Variants in SAR1A observed in about 807,000 individuals in gnomAD.
SAR1A encodes the protein secretion associated Ras related GTPase 1A, also known as small COPII coat GTPase SAR1A.
A neutral mutation model predicts 22.6 loss-of-function variants in SAR1A; 6 were observed. The ratio of observed to expected loss-of-function variants is 0.27; its 90% confidence interval spans 0.15 to 0.52. SAR1A has a LOEUF of 0.52. Among genes scored for constraint, SAR1A ranks in the 20% least tolerant of loss-of-function variants. The pLI is 0.96. For missense variants in SAR1A, 145 were observed against 245.1 expected (o/e 0.59, Z 2.73); for synonymous variants, 70 against 82.2 (o/e 0.85, Z 0.80).
At position 70,147,803 on chromosome 10, in the gene SAR1A, A is replaced by G. The variant is rs1215740843; in HGVS notation, c.*4673T>C. On this transcript the variant is annotated 3_prime_UTR_variant, in exon 7 of 7. Coordinates refer to ENST00000373241, the MANE Select transcript of SAR1A (RefSeq NM_020150.5). ...GGCGCGGAGCTTCATGATACCCTCA[A>G]TCAGTCACCACAAGCTAGACAGTTT... 2 of 152,268 alleles carry G rather than the reference A, an allele frequency of 1.3e-5. No individual in the cohort carries two copies. The highest frequency in any genetic ancestry group is 3.8e-4 in the East Asian group (2 of 5,200). The allele number at this position is 152,268 out of a possible 1,614,324, so 9.4% of individuals were successfully genotyped here. A position where few individuals can be genotyped will look rare whatever the true frequency, so the allele number is the denominator to read the frequency against.
chr10:70,167,781 C>T (rs531613829), intron 1 of SAR1A, among the ~76,000 whole-genome samples: 1 of 152,248 alleles, frequency 6.6e-6, no homozygotes, highest in South Asian at 2.1e-4. Context: ...TGGATACATA[C>T]TAGGCTCTTA....
chr10:70,154,715 C>A (rs79964735), intron 5 of SAR1A, among the ~76,000 whole-genome samples: 6,453 of 152,232 alleles, frequency 0.042, 257 homozygotes, highest in East Asian at 0.15. Context: ...CCAACCTCAG[C>A]ATCCCAAAAT....
At chr10:70,162,031 T>G (rs1215445154) in intron 1 of SAR1A, 100 bp from the exon 2 acceptor site, 2 of 843,080 alleles carry the variant, frequency 2.4e-6, no homozygotes, top group Non-Finnish European at 3.8e-6. Flanking sequence ...ACATTTATAG[T>G]CTCTTGTTTT....
intron 4 of SAR1A, among the ~76,000 whole-genome samples, chr10:70,158,888 T>C (rs1839430266): frequency 2.0e-5 from 3 of 152,172 alleles, no homozygotes; most frequent in Admixed American, 1.3e-4. Flanking sequence ...ACTAATTACA[T>C]CAATACATTT....
In SAR1A at chr10:70,149,672, G is replaced by A. The variant is rs959488560; in HGVS notation, c.*2804C>T. The stretch of plus-strand genomic sequence containing the variant: ...CTAGTTCAAGCGATTCTCCGCCTCA[G>A]CCTCCAGAGTAGCTGGGAGCTACTC... On this transcript the variant is annotated 3_prime_UTR_variant, in exon 7 of 7. Coordinates refer to ENST00000373241, the MANE Select transcript of SAR1A (RefSeq NM_020150.5). 1 of 144,464 alleles carries A rather than the reference G, an allele frequency of 6.9e-6. No homozygotes were observed. The highest frequency in any genetic ancestry group is 1.5e-5 in the Non-Finnish European group (1 of 66,814). The allele number at this position is 144,464 out of a possible 1,614,324, so 8.9% of individuals were successfully genotyped here.
At chr10:70,161,172 G>C in intron 3 of SAR1A, 103 bp from the exon 4 acceptor site, 2 of 874,808 alleles carry the variant, frequency 2.3e-6, no homozygotes, top group Non-Finnish European at 3.6e-6. Flanking sequence ...TAAAGAAAAA[G>C]ATACAAGAAG....
rs564333451 is a variant in SAR1A at position 70,167,309 on chromosome 10, C to A, written c.-17+3104G>T. The A allele has an allele frequency of 2.0e-5, 3 of 152,074 alleles. No homozygotes were observed. In the South Asian group the frequency reaches 6.2e-4, roughly 32 times the overall value. The allele number at this position is 152,074 out of a possible 1,614,324, so 9.4% of individuals were successfully genotyped here. On this transcript the variant is annotated intron_variant, in intron 1 of 6. Transcript: ENST00000373241. ...GGAAGGTCCACACTTTTACTCCTCTCCATCAGCAGGAGCATCTGAACACAG... is the reference window on the plus strand; with the variant it reads ...GGAAGGTCCACACTTTTACTCCTCTACATCAGCAGGAGCATCTGAACACAG...
chr10:70,166,818 C>T (rs1839558310), intron 1 of SAR1A: 1 of 129,430 alleles, frequency 7.7e-6, no homozygotes, highest in Non-Finnish European at 1.6e-5. Flanking sequence ...GAGAGACCTG[C>T]ATCTCTACAA....
In SAR1A at chr10:70,149,788, C is replaced by T. The variant is rs924549703; in HGVS notation, c.*2688G>A. 4 of 152,036 alleles carry T rather than the reference C, an allele frequency of 2.6e-5. No individual in the cohort carries two copies. Among genetic ancestry groups the T allele is most frequent in the African/African-American group, 9.7e-5 (4 of 41,324 alleles). The allele number at this position is 152,036 out of a possible 1,614,324, so 9.4% of individuals were successfully genotyped here. On this transcript the variant is annotated 3_prime_UTR_variant, in exon 7 of 7. Coordinates refer to ENST00000373241, the MANE Select transcript of SAR1A (RefSeq NM_020150.5). ...CAGGCTGGTCTCAAACTCCTGAGCTCAGACAATCCACCCACCTCAGCCTCC... is the reference window on the plus strand; with the variant it reads ...CAGGCTGGTCTCAAACTCCTGAGCTTAGACAATCCACCCACCTCAGCCTCC...
At chr10:70,158,755 T>TA (rs760389435) in intron 4 of SAR1A, among the ~76,000 whole-genome samples, 1 of 44,568 alleles carries the variant, frequency 2.2e-5, no homozygotes, top group Admixed American at 1.6e-4. Context: ...TTTTAAGTTA[T>TA]ACAAAAAAAA....
rs553112067 is a variant in SAR1A, at chr10:70,149,540, T to C, written c.*2936A>G. The C allele has an allele frequency of 4.8e-5, 6 of 125,852 alleles. No individual in the cohort carries two copies. Among genetic ancestry groups the C allele is most frequent in the African/African-American group, 1.8e-4 (6 of 32,898 alleles). The allele number at this position is 125,852 out of a possible 1,614,324, so 7.8% of individuals were successfully genotyped here. On this transcript the variant is annotated 3_prime_UTR_variant, in exon 7 of 7. Coordinates refer to ENST00000373241, the MANE Select transcript of SAR1A (RefSeq NM_020150.5). ...TTTCTCATTTTGCCAAATGTAGCAT[T>C]TAATTGATTTTTTTTTTTTTTTTTT...
rs2394643 is a variant in SAR1A at position 70,151,258 on chromosome 10, C to A, written c.*1218G>T. 9 of 73,304 alleles carry A rather than the reference C, an allele frequency of 1.2e-4. No individual in the cohort carries two copies. The highest frequency in any genetic ancestry group is 0.013 in the East Asian group (2 of 152). 4.5% of individuals were successfully genotyped at this position (73,304 alleles called of 1,614,324 possible). Reference sequence around the variant, plus strand: ...TGCAATGGAGAAAGACAATTTCATACCAAAAAAAAAAAAAAAAAAAAAAAA... The same window carrying A: ...TGCAATGGAGAAAGACAATTTCATAACAAAAAAAAAAAAAAAAAAAAAAAA... On this transcript the variant is annotated 3_prime_UTR_variant, in exon 7 of 7. Transcript: ENST00000373241.
chr10:70,157,401 C>CAAAAAAAAAAAAAAAAAAA (rs55801259), intron 5 of SAR1A, among the ~76,000 whole-genome samples: 1 of 131,240 alleles, frequency 7.6e-6, no homozygotes, highest in Non-Finnish European at 1.6e-5. Flanking sequence ...AAGACTCCGT[C>CAAAAAAAAAAAAAAAAAAA]AAAAAAAAAA....
intron 1 of SAR1A, chr10:70,164,055 A>G: frequency 3.8e-6 from 3 of 790,380 alleles, no homozygotes; most frequent in Admixed American, 3.4e-5. Flanking sequence ...AGTTGATTAA[A>G]TGATCAGGGA....
chr10:70,162,802 T>G (rs1294711017), intron 1 of SAR1A: 1 of 152,366 alleles, frequency 6.6e-6, no homozygotes, highest in Non-Finnish European at 1.5e-5. Flanking sequence ...TAACAGCATG[T>G]GCTCCCTTCA....
Position 70,148,771 on chromosome 10 carries a change from C to T in SAR1A, c.*3705G>A. 1 of 152,538 alleles carries T rather than the reference C, an allele frequency of 6.6e-6. No individual in the cohort carries two copies. The highest frequency in any genetic ancestry group is 1.4e-5 in the Non-Finnish European group (1 of 69,118). 9.4% of individuals were successfully genotyped at this position (152,538 alleles called of 1,614,324 possible). A position where few individuals can be genotyped will look rare whatever the true frequency, so the allele number is the denominator to read the frequency against. On this transcript the variant is annotated 3_prime_UTR_variant, in exon 7 of 7. Coordinates refer to ENST00000373241, the MANE Select transcript of SAR1A (RefSeq NM_020150.5). ...TACCACTGCACTCCAGCCTGGGCGA[C>T]AGAGTGAGACCAACTCAAAAAACAA...
intron 5 of SAR1A, among the ~76,000 whole-genome samples, chr10:70,154,759 C>A (rs1171411939): frequency 2.0e-5 from 3 of 152,116 alleles, no homozygotes; most frequent in Non-Finnish European, 4.4e-5. Context: ...CCACGCCCAG[C>A]CACATTTATG....
chr10:70,163,718 G>T, intron 1 of SAR1A: 2 of 832,050 alleles, frequency 2.4e-6, no homozygotes, highest in Non-Finnish European at 4.2e-6. Flanking sequence ...GCAGATTGTA[G>T]AATTCAAAGA....
chr10:70,162,152 C>G (rs1839477137), intron 1 of SAR1A, among the ~76,000 whole-genome samples: 1 of 151,898 alleles, frequency 6.6e-6, no homozygotes, highest in Non-Finnish European at 1.5e-5. Context: ...CTGGCCTGGG[C>G]AAGAAAGCTG....
Sources: allele counts gnomAD v4.1 joint callset (sites outside exome capture counted in the v4.1 genomes callset), GRCh38; gene constraint gnomAD v4.1.1; transcripts MANE v1.5; gene names NCBI Gene and HGNC (gene_info 2026-07-23, HGNC 2026-07-21).